The following RB1 variants were observed in gnomAD, a reference collection of about 807,000 sequenced individuals.
RB1 encodes the protein RB transcriptional corepressor 1, also known as retinoblastoma-associated protein.
A neutral mutation model predicts 135.4 loss-of-function variants in RB1; 18 were observed. That is an observed-to-expected ratio of 0.13 (90% confidence interval 0.09 to 0.20). RB1 has a LOEUF of 0.20. Ranked by LOEUF, RB1 falls within the 10% of genes least tolerant of loss-of-function variation. The pLI is 1.00. For missense variants in RB1, 868 were observed against 1,110.0 expected, an observed-to-expected ratio of 0.78 and a Z score of 3.10; for synonymous variants, 365 against 373.2, an observed-to-expected ratio of 0.98 and a Z score of 0.25.
At position 48,459,803 on chromosome 13, in the gene RB1, T is replaced by C. The variant is rs1060504827; in HGVS notation, c.2076T>C (p.Tyr692=). ...TLFQHTLQNE[Y]ELMRDRHLDQ... The stretch of plus-strand genomic sequence containing the variant: ...TCCAGCACACCCTGCAGAATGAGTA[T>C]GAACTCATGAGAGACAGGCATTTGG... The change falls in exon 20 of 27, where the codon TAT becomes TAC. Residue 692 remains tyrosine, a synonymous_variant. Transcript: ENST00000267163. The C allele has an allele frequency of 1.9e-6, 3 of 1,613,732 alleles. No individual in the cohort carries two copies. Among genetic ancestry groups the C allele is most frequent in the Admixed American group, 1.7e-5 (1 of 60,004 alleles).
chr13:48,464,716 A>C (rs1949426368), intron 21 of RB1, among the ~76,000 whole-genome samples: 1 of 151,612 alleles, frequency 6.6e-6, no homozygotes. Context: ...CAGTCTATAT[A>C]CTCTTCTCTT....
In RB1 at chr13:48,319,532, C is replaced by T. The variant is rs1427724685; in HGVS notation, c.264+12126C>T. The T allele has an allele frequency of 1.1e-5, 3 of 261,664 alleles. No homozygotes were observed. Among genetic ancestry groups the T allele is most frequent in the Non-Finnish European group, 2.3e-5 (3 of 132,308 alleles). 16.2% of individuals were successfully genotyped at this position (261,664 alleles called of 1,614,324 possible). Reference sequence around the variant, plus strand: ...AAGGGCTGCAGGGGGCTGCTGGCTTCGGGCTGCCCTTGTTCTCCTGCTTGG... The same window carrying T: ...AAGGGCTGCAGGGGGCTGCTGGCTTTGGGCTGCCCTTGTTCTCCTGCTTGG... On this transcript the variant is annotated intron_variant, in intron 2 of 26. Coordinates refer to ENST00000267163, the MANE Select transcript of RB1 (RefSeq NM_000321.3). The surrounding 1 kb of genome is among the most constrained non-coding windows in gnomAD (Gnocchi z 5.0).
chr13:48,309,350 C>G (rs1327468812), intron 2 of RB1, among the ~76,000 whole-genome samples: 2 of 152,032 alleles, frequency 1.3e-5, no homozygotes, highest in Non-Finnish European at 2.9e-5. Flanking sequence ...TTATGTATGT[C>G]CCATAAGAAA....
chr13:48,318,408 A>G, intron 2 of RB1: 3 of 1,501,104 alleles, frequency 2.0e-6, no homozygotes, highest in Non-Finnish European at 2.7e-6. Context: ...GGCCGTGTCC[A>G]GGTCCTCGTC....
chr13:48,457,052 C>T (rs1949365023), intron 19 of RB1, among the ~76,000 whole-genome samples: 1 of 152,184 alleles, frequency 6.6e-6, no homozygotes, highest in South Asian at 2.1e-4. Flanking sequence ...CTTTCAGCCT[C>T]GCCATTTGGT....
chr13:48,419,192 G>A (rs941845693), intron 17 of RB1, among the ~76,000 whole-genome samples: 1 of 152,176 alleles, frequency 6.6e-6, no homozygotes, highest in Non-Finnish European at 1.5e-5. Context: ...CAGTCTCTGA[G>A]ACCTCAGTGC....
rs757748029 is a variant in RB1, at chr13:48,379,596, A to G, written c.1335A>G (p.Arg445=). The part of the protein sequence containing the change: ...GQGCVEIGSQ[R]YKLGVRLYYR... ...TTTTTCTTTTTGTTTGTTTGTAGCG[A>G]TACAAACTTGGAGTTCGCTTGTATT... Residue 445 remains arginine (R), a splice_region_variant and synonymous_variant, in exon 14 of 27, where the codon CGA becomes CGG. Transcript: ENST00000267163. 8.7e-6 allele frequency: 14 copies of G among 1,612,374 alleles called. No homozygotes were observed. The highest frequency in any genetic ancestry group is 1.2e-5 in the Non-Finnish European group (14 of 1,179,594).
intron 17 of RB1, among the ~76,000 whole-genome samples, chr13:48,435,796 A>G (rs545243590): frequency 6.6e-6 from 1 of 152,262 alleles, no homozygotes; most frequent in South Asian, 2.1e-4. Context: ...TTGTTTCAGC[A>G]CCATTTATTT....
At chr13:48,317,948 T>C in intron 2 of RB1, 2 of 441,426 alleles carry the variant, frequency 4.5e-6, no homozygotes, top group Non-Finnish European at 4.3e-6. Context: ...CTCCTTGGCC[T>C]TTTCCGCCAA....
intron 2 of RB1, chr13:48,317,477 A>C: frequency 2.3e-6 from 1 of 437,230 alleles, no homozygotes. Context: ...GGGGTCAGGA[A>C]GCCCCGGCTC....
chr13:48,316,966 C>T (rs1263011706), intron 2 of RB1: 1 of 396,804 alleles, frequency 2.5e-6, no homozygotes, highest in Non-Finnish European at 4.7e-6. Flanking sequence ...TGGTCCTGGT[C>T]GTCCCTATCG....
At chr13:48,324,843 G>GT (rs56944149) in intron 2 of RB1, among the ~76,000 whole-genome samples, 6,182 of 141,984 alleles carry the variant, frequency 0.044, 332 homozygotes, top group East Asian at 0.14. Flanking sequence ...TTGTGCTTTT[G>GT]TTTTTTTTTT....
chr13:48,310,395 G>A (rs1043725596), intron 2 of RB1, among the ~76,000 whole-genome samples: 3 of 152,100 alleles, frequency 2.0e-5, no homozygotes, highest in Non-Finnish European at 2.9e-5. Flanking sequence ...TAAGAGCAAG[G>A]ATTAAGAGTC....
chr13:48,317,643 C>T (rs1301427977), intron 2 of RB1: 3 of 500,916 alleles, frequency 6.0e-6, no homozygotes, highest in Non-Finnish European at 9.5e-6. Context: ...TCGCTGAGAG[C>T]CCCTTGGCGG....
intron 2 of RB1, among the ~76,000 whole-genome samples, chr13:48,307,976 C>G (rs1952098804): frequency 6.6e-6 from 1 of 151,700 alleles, no homozygotes. Flanking sequence ...TAAAAAAACA[C>G]CGCCATACCT....
chr13:48,305,853 T>G (rs1012132773), intron 1 of RB1, among the ~76,000 whole-genome samples: 11 of 152,232 alleles, frequency 7.2e-5, no homozygotes, highest in African/African-American at 2.2e-4. Flanking sequence ...ACAGATTCCA[T>G]TCCTGATTTG....
rs17071686 is a variant in RB1 at position 48,411,503 on chromosome 13, C to A, written c.1695+30060C>A. 0.012 allele frequency: 19,321 copies of A among 1,612,538 alleles called. 117 individuals are homozygous for A. The highest frequency in any genetic ancestry group is 0.014 in the Non-Finnish European group (16,481 of 1,179,154). On this transcript the variant is annotated intron_variant, in intron 17 of 26. Coordinates refer to ENST00000267163, the MANE Select transcript of RB1 (RefSeq NM_000321.3). Reference sequence around the variant, plus strand: ...ATCTGAAGTCACTTCTCCTGACAGACCAGTTTTTCATTTTTATTGAATTCT... The same window carrying A: ...ATCTGAAGTCACTTCTCCTGACAGAACAGTTTTTCATTTTTATTGAATTCT...
intron 17 of RB1, among the ~76,000 whole-genome samples, chr13:48,395,250 A>G (rs1256771977): frequency 6.6e-6 from 1 of 152,200 alleles, no homozygotes; most frequent in African/African-American, 2.4e-5. Context: ...AAGGTCATCA[A>G]CATCAAAGAC....
rs200399537 is a variant in RB1 at position 48,458,308 on chromosome 13, T to C, written c.1961-1380T>C. On this transcript the variant is annotated intron_variant, in intron 19 of 26. Coordinates refer to ENST00000267163, the MANE Select transcript of RB1 (RefSeq NM_000321.3). ...CTCTGAGTGTGTATATATGGTGGGGTGGGGAGGTTGATTTGAGTGTCTGTG... is the reference window on the plus strand; with the variant it reads ...CTCTGAGTGTGTATATATGGTGGGGCGGGGAGGTTGATTTGAGTGTCTGTG... 7.2e-4 allele frequency among the ~76,000 whole-genome samples: 110 copies of C among 151,786 alleles called. 1 individual carries two copies. In the East Asian group the frequency reaches 9.7e-3, roughly 13 times the overall value.
Sources: allele counts gnomAD v4.1 joint callset (sites outside exome capture counted in the v4.1 genomes callset), GRCh38; gene constraint gnomAD v4.1.1; non-coding constraint Gnocchi (gnomAD v3.1); transcripts MANE v1.5; gene names NCBI Gene and HGNC (gene_info 2026-07-23, HGNC 2026-07-21).